ASTN2: variants seen among roughly 807,000 people sequenced by gnomAD.
ASTN2 encodes the protein astrotactin-2.
In ASTN2, 54 loss-of-function variants were observed where a neutral mutation model predicts 139.8. That is an observed-to-expected ratio of 0.39 (90% CI 0.31 to 0.48). The LOEUF (loss-of-function observed/expected upper bound fraction) is 0.48. ASTN2 is among the 20% of genes least tolerant of loss of function. The probability of loss-of-function intolerance (pLI) is 0.95; values close to 1 mark genes in which losing one functional copy is unlikely to be tolerated. For missense variants in ASTN2, 1,565 were observed against 1,725.1 expected (o/e 0.91, Z 1.64); for synonymous variants, 756 against 719.5 (o/e 1.05, Z -0.81).
chr9:116,801,555 C>A (rs1830849582), intron 13 of ASTN2, among the ~76,000 whole-genome samples: 1 of 114,818 alleles, frequency 8.7e-6, no homozygotes, highest in Non-Finnish European at 1.6e-5. Flanking sequence ...CTCCACATTC[C>A]AGCCCAGGCA....
At chr9:116,696,277 TA>T (rs1860847696) in intron 16 of ASTN2, among the ~76,000 whole-genome samples, 1 of 152,182 alleles carries the variant, frequency 6.6e-6, no homozygotes, top group Non-Finnish European at 1.5e-5. Flanking sequence ...CTAAGGATAA[TA>T]AAAAAGAGAA....
chr9:117,006,874 T>C (rs1837367482), intron 7 of ASTN2, among the ~76,000 whole-genome samples: 1 of 152,144 alleles, frequency 6.6e-6, no homozygotes. Context: ...CCCAGCACTT[T>C]GGGAGGCCGA....
chr9:116,999,548 C>CTTTTTTTTTTTTTTTTTTTTTTTTT (rs71379248), intron 7 of ASTN2, among the ~76,000 whole-genome samples: 5 of 94,962 alleles, frequency 5.3e-5, no homozygotes, highest in Non-Finnish European at 7.8e-5. Context: ...TTCTCTCTTT[C>CTTTTTTTTTTTTTTTTTTTTTTTTT]TTTTTTTTTT....
At chr9:116,547,994 T>C (rs1852175494) in intron 19 of ASTN2, among the ~76,000 whole-genome samples, 1 of 152,170 alleles carries the variant, frequency 6.6e-6, no homozygotes, top group Non-Finnish European at 1.5e-5. Context: ...TCTCCACTCC[T>C]TGCCTCTGGC....
At chr9:117,378,221 ACC>A (rs1418255525) in intron 1 of ASTN2, among the ~76,000 whole-genome samples, 1 of 152,156 alleles carries the variant, frequency 6.6e-6, no homozygotes, top group African/African-American at 2.4e-5. Context: ...AGAAGAAGAG[ACC>A]TGTCTAACAT....
At chr9:117,123,228 T>C (rs1829603742) in intron 4 of ASTN2, among the ~76,000 whole-genome samples, 2 of 151,972 alleles carry the variant, frequency 1.3e-5, no homozygotes. Flanking sequence ...CCTCTGAGAA[T>C]CACTGTCCCA....
chr9:117,038,086 G>A (rs1838443208), intron 6 of ASTN2, among the ~76,000 whole-genome samples: 1 of 152,168 alleles, frequency 6.6e-6, no homozygotes, highest in Non-Finnish European at 1.5e-5. Flanking sequence ...ACAAGTAGGG[G>A]CTTCTGCACT....
chr9:117,346,010 CAAAA>C (rs35773511), intron 1 of ASTN2, among the ~76,000 whole-genome samples: 3 of 92,324 alleles, frequency 3.2e-5, no homozygotes, highest in Non-Finnish European at 2.3e-5. Context: ...AACTAAGAGG[CAAAA>C]AAAAAAAAAA....
intron 12 of ASTN2, among the ~76,000 whole-genome samples, chr9:116,818,237 C>T (rs916687547): frequency 7.2e-5 from 11 of 152,096 alleles, no homozygotes; most frequent in African/African-American, 2.4e-4. Flanking sequence ...CTTCTCCTAC[C>T]CAGAACACTC....
chr9:117,138,475 T>A (rs549571863), intron 4 of ASTN2, among the ~76,000 whole-genome samples: 1 of 152,250 alleles, frequency 6.6e-6, no homozygotes, highest in East Asian at 1.9e-4. Context: ...GAGCAAATGA[T>A]GTTCGAAAAG....
chr9:117,217,658 C>T (rs1832370491), intron 2 of ASTN2, among the ~76,000 whole-genome samples: 1 of 152,184 alleles, frequency 6.6e-6, no homozygotes, highest in African/African-American at 2.4e-5. Context: ...GGACAAGAGT[C>T]ATAATGCCAC....
chr9:116,791,623 A>C (rs993866164), intron 13 of ASTN2, among the ~76,000 whole-genome samples: 5 of 152,196 alleles, frequency 3.3e-5, no homozygotes, highest in African/African-American at 1.2e-4. Flanking sequence ...TGCTAATTAC[A>C]ATTGCTCTGC....
chr9:116,704,849 G>A (rs1454405649), intron 16 of ASTN2, among the ~76,000 whole-genome samples: 1 of 152,080 alleles, frequency 6.6e-6, no homozygotes, highest in Non-Finnish European at 1.5e-5. Context: ...CTTTTGAGGG[G>A]TAAATAGAGC....
chr9:117,077,840 C>A (rs1041349082), intron 5 of ASTN2, among the ~76,000 whole-genome samples: 5 of 152,126 alleles, frequency 3.3e-5, no homozygotes, highest in African/African-American at 7.2e-5. Flanking sequence ...GGAAAAAAAA[C>A]CCTGGCCCTT....
intron 13 of ASTN2, among the ~76,000 whole-genome samples, chr9:116,746,388 T>C (rs1006426444): frequency 6.6e-6 from 1 of 152,174 alleles, no homozygotes; most frequent in South Asian, 2.1e-4. Context: ...GCCCGGCCAA[T>C]TGAGTCCTTT....
At chr9:117,033,331 T>C (rs1192034479) in intron 6 of ASTN2, among the ~76,000 whole-genome samples, 1 of 152,162 alleles carries the variant, frequency 6.6e-6, no homozygotes, top group Admixed American at 6.6e-5. Context: ...CCCCTTCCAA[T>C]ATTAAGAAAA....
At chr9:117,328,601 T>G (rs1470704250) in intron 1 of ASTN2, among the ~76,000 whole-genome samples, 1 of 152,172 alleles carries the variant, frequency 6.6e-6, no homozygotes, top group Middle Eastern at 3.2e-3. Context: ...GATTGTTAAT[T>G]AATCCCTCAC....
intron 5 of ASTN2, among the ~76,000 whole-genome samples, chr9:117,061,236 C>A (rs1035792506): frequency 6.6e-6 from 1 of 151,846 alleles, no homozygotes; most frequent in Admixed American, 6.6e-5. Flanking sequence ...TGGAGTCAGA[C>A]AGATCTGGGT....
At chr9:117,122,319 C>T (rs1458529841) in intron 4 of ASTN2, among the ~76,000 whole-genome samples, 4 of 152,080 alleles carry the variant, frequency 2.6e-5, no homozygotes, top group Non-Finnish European at 4.4e-5. Flanking sequence ...ATGAGAGTGG[C>T]AAATCACAAT....
Sources: gnomAD v4.1 joint callset for allele counts (sites outside exome capture counted in the v4.1 genomes callset) on GRCh38, gnomAD v4.1.1 for gene constraint, MANE v1.5 for transcripts, NCBI Gene and HGNC (gene_info 2026-07-23, HGNC 2026-07-21) for gene names.